RPL36A: variants seen among roughly 807,000 people sequenced by gnomAD.
The protein encoded by RPL36A is ribosomal protein L36a.
For synonymous variants in RPL36A, 25 were observed against 28.5 expected, an observed-to-expected ratio of 0.88 and a Z score of 0.39; for missense variants, 20 against 81.0, an observed-to-expected ratio of 0.25 and a Z score of 2.89.
Position 101,391,307 on chromosome X carries a change from G to A in RPL36A, c.4-152G>A, listed in dbSNP as rs782494238. 1.2e-4 allele frequency: 88 copies of A among 707,339 alleles called. 1 individual carries two copies. The South Asian group carries it at 2.2e-3, about 18-fold the overall frequency. 58.3% of individuals were successfully genotyped at this position (707,339 alleles called of 1,213,427 possible). A position where few individuals can be genotyped will look rare whatever the true frequency, so the allele number is the denominator to read the frequency against. The stretch of plus-strand genomic sequence containing the variant: ...GGGCTCGACGGAGGGAGGAAGCTCT[G>A]CTTGAAGCACATGGGGCTGGCCCAC... On this transcript the variant is annotated intron_variant, in intron 1 of 4. Coordinates refer to ENST00000553110, the MANE Select transcript of RPL36A (RefSeq NM_021029.6).
chrX:101,392,591 A>G (rs1480868428), intron 3 of RPL36A: 2 of 754,843 alleles, frequency 2.6e-6, no homozygotes, highest in Non-Finnish European at 3.1e-6. Flanking sequence ...TGGCCTATTA[A>G]GAACTGCAAA....
At chrX:101,394,020 CTGT>C (rs1569301236) in intron 3 of RPL36A, among the ~76,000 whole-genome samples, 2 of 111,806 alleles carry the variant, frequency 1.8e-5, no homozygotes, top group African/African-American at 6.5e-5. Flanking sequence ...AACAATAGTT[CTGT>C]TGTTTAGGTA....
chrX:101,394,942 C>T (rs1006371623), intron 3 of RPL36A, among the ~76,000 whole-genome samples: 3 of 104,399 alleles, frequency 2.9e-5, no homozygotes, highest in African/African-American at 1.0e-4. Flanking sequence ...ACACGTGCCA[C>T]CATGCCCGGC....
rs782156942 is a variant in RPL36A at position 101,395,289 on chromosome X, ATCT to A, written c.178-42_178-40del. 6 of 1,125,510 alleles carry A rather than the reference ATCT, an allele frequency of 5.3e-6. No homozygotes were observed. The East Asian group carries it at 1.9e-4, about 36-fold the overall frequency. 92.8% of individuals were successfully genotyped at this position (1,125,510 alleles called of 1,213,427 possible). A position where few individuals can be genotyped will look rare whatever the true frequency, so the allele number is the denominator to read the frequency against. The stretch of plus-strand genomic sequence containing the variant: ...AAAGTAGTCATTTTTGAAGAAAGTG[ATCT>A]TCTGTAGTTATTTATTAAGGCTTTA... On this transcript the variant is annotated intron_variant, in intron 3 of 4. Transcript: ENST00000553110.
intron 3 of RPL36A, among the ~76,000 whole-genome samples, chrX:101,394,337 AG>A (rs1376546279): frequency 9.1e-6 from 1 of 109,731 alleles, no homozygotes; most frequent in Non-Finnish European, 1.9e-5. Context: ...AAAAAAAAAA[AG>A]AACAATAAAA....
intron 1 of RPL36A, 120 bp from the exon 2 acceptor site, chrX:101,391,338 AG>A: frequency 1.1e-6 from 1 of 872,637 alleles, no homozygotes; most frequent in Non-Finnish European, 1.7e-6. Flanking sequence ...CCCACCCTGT[AG>A]TCAGAGGTAG....
chrX:101,392,233 G>T lies in RPL36A; in HGVS notation c.177+411G>T, dbSNP rs1927836188. On this transcript the variant is annotated intron_variant, in intron 3 of 4. Coordinates refer to ENST00000553110, the MANE Select transcript of RPL36A (RefSeq NM_021029.6). ...TCTGCAGTCAACTACCTGTTCTCGTGAAGTCTTAAAACTCTTATAGAATAG... is the reference window on the plus strand; with the variant it reads ...TCTGCAGTCAACTACCTGTTCTCGTTAAGTCTTAAAACTCTTATAGAATAG... The T allele has an allele frequency of 1.5e-5, 14 of 932,521 alleles. No individual in the cohort carries two copies. The South Asian group carries it at 3.2e-4, about 21-fold the overall frequency. 76.9% of individuals were successfully genotyped at this position (932,521 alleles called of 1,213,427 possible). A position where few individuals can be genotyped will look rare whatever the true frequency, so the allele number is the denominator to read the frequency against.
chrX:101,395,028 A>T (rs189711087), intron 3 of RPL36A: 1 of 117,024 alleles, frequency 8.5e-6, no homozygotes, highest in East Asian at 2.6e-4. Flanking sequence ...TGACCTCATG[A>T]TCTGCCTGCC....
intron 3 of RPL36A, chrX:101,392,444 A>G: frequency 2.6e-6 from 2 of 783,258 alleles, no homozygotes; most frequent in Non-Finnish European, 3.0e-6. Flanking sequence ...TTAGCTCCAG[A>G]AAGTATTAAG....
At chrX:101,392,026 T>A in intron 3 of RPL36A, 4 of 1,160,472 alleles carry the variant, frequency 3.4e-6, no homozygotes, top group Non-Finnish European at 4.6e-6. Flanking sequence ...GTGTTTACGA[T>A]TTTTTATCCT....
In RPL36A at chrX:101,391,487, T is replaced by A. The variant is rs1555983397; in HGVS notation, c.32T>A (p.Phe11Tyr). MVNVPKTRRT[F>Y]CKKCGKHQPH... ...AACGTCCCTAAAACCCGCCGGACTT[T>A]CTGTAAGAAGTGTGGCAAGCACCAA... The change falls in exon 2 of 5, where the codon TTC becomes TAC. Residue 11 changes from phenylalanine (F) to tyrosine (Y), a missense_variant. Phe to Tyr is a conservative substitution (Grantham distance 22, BLOSUM62 3). Transcript: ENST00000553110. 1 of 1,210,118 alleles carries A rather than the reference T, an allele frequency of 8.3e-7. No homozygotes were observed. Among genetic ancestry groups the A allele is most frequent in the African/African-American group, 1.7e-5 (1 of 57,203 alleles).
intron 3 of RPL36A, chrX:101,393,527 A>G: frequency 8.9e-6 from 1 of 112,459 alleles, no homozygotes; most frequent in African/African-American, 3.2e-5. Context: ...AATGCAATAA[A>G]ACTTTACAGT....
intron 3 of RPL36A, chrX:101,395,114 A>G (rs1927978806): frequency 1.2e-5 from 3 of 245,145 alleles, no homozygotes; most frequent in Admixed American, 1.3e-4. Context: ...TTAGTCCACA[A>G]GTTCTACACA....
At position 101,395,925 on chromosome X, in the gene RPL36A, ACAT is replaced by A. The variant is rs1928009143; in HGVS notation, c.*181_*183del. ...GCATTGAAGCTGACTGGTTGAGTTCACATCATATGTTGCAATTTTCTAATTTGG... is the reference window on the plus strand; with the variant it reads ...GCATTGAAGCTGACTGGTTGAGTTCACATATGTTGCAATTTTCTAATTTGG... On this transcript the variant is annotated 3_prime_UTR_variant, in exon 5 of 5. Coordinates refer to ENST00000553110, the MANE Select transcript of RPL36A (RefSeq NM_021029.6). 1 of 443,859 alleles carries A rather than the reference ACAT, an allele frequency of 2.3e-6. No homozygotes were observed. The highest frequency in any genetic ancestry group is 4.1e-5 in the South Asian group (1 of 24,336). The allele number at this position is 443,859 out of a possible 1,213,427, so 36.6% of individuals were successfully genotyped here. A position where few individuals can be genotyped will look rare whatever the true frequency, so the allele number is the denominator to read the frequency against.
intron 1 of RPL36A, 86 bp downstream of exon 1, chrX:101,391,132 G>A: frequency 1.9e-6 from 2 of 1,025,976 alleles, no homozygotes; most frequent in Non-Finnish European, 2.7e-6. Flanking sequence ...ATGGGTCCAG[G>A]CTCCTGTGTG....
chrX:101,394,983 GT>G (rs1927973264), intron 3 of RPL36A, among the ~76,000 whole-genome samples: 1 of 104,264 alleles, frequency 9.6e-6, no homozygotes, highest in Non-Finnish European at 1.9e-5. Flanking sequence ...TAGAGATGGG[GT>G]TTCACCATGT....
At chrX:101,391,978 A>T in intron 3 of RPL36A, 156 bp downstream of exon 3, 1 of 1,173,526 alleles carries the variant, frequency 8.5e-7, no homozygotes, top group Non-Finnish European at 1.1e-6. Context: ...TGGGAATGCA[A>T]CTCATGTCTG....
Position 101,395,891 on chromosome X carries a change from ACTT to A in RPL36A, c.*144_*146del, listed in dbSNP as rs1420891256. The A allele has an allele frequency of 7.3e-6, 4 of 546,147 alleles. No individual in the cohort carries two copies. In the African/African-American group the frequency reaches 9.4e-5, roughly 13 times the overall value. 45.0% of individuals were successfully genotyped at this position (546,147 alleles called of 1,213,427 possible). Reference sequence around the variant, plus strand: ...GAAATTTATGCCTCTTACTGGTACTACTTGTTTTGCATTGAAGCTGACTGGTTG... The same window carrying A: ...GAAATTTATGCCTCTTACTGGTACTAGTTTTGCATTGAAGCTGACTGGTTG... On this transcript the variant is annotated 3_prime_UTR_variant, in exon 5 of 5. Transcript: ENST00000553110.
rs1241874383 is a variant in RPL36A at position 101,392,229 on chromosome X, T to C, written c.177+407T>C. 5.3e-6 allele frequency: 5 copies of C among 934,844 alleles called. No individual in the cohort carries two copies. In the South Asian group the frequency reaches 7.4e-5, roughly 14 times the overall value. The allele number at this position is 934,844 out of a possible 1,213,427, so 77.0% of individuals were successfully genotyped here. A position where few individuals can be genotyped will look rare whatever the true frequency, so the allele number is the denominator to read the frequency against. ...GAAATCTGCAGTCAACTACCTGTTC[T>C]CGTGAAGTCTTAAAACTCTTATAGA... On this transcript the variant is annotated intron_variant, in intron 3 of 4. Transcript: ENST00000553110.
Sources: gnomAD v4.1 joint callset for allele counts (sites outside exome capture counted in the v4.1 genomes callset) on GRCh38, gnomAD v4.1.1 for gene constraint, MANE v1.5 for transcripts, NCBI Gene and HGNC (gene_info 2026-07-23, HGNC 2026-07-21) for gene names.